Variants in CATSPERT observed in about 807,000 individuals in gnomAD.
The protein encoded by CATSPERT is catsper channel auxiliary subunit tau, also known as cation channel sperm-associated targeting subunit tau.
chr2:201,517,326 A>G, the CATSPERT span, among the ~76,000 whole-genome samples: 1 of 152,134 alleles, frequency 6.6e-6, no homozygotes, highest in East Asian at 1.9e-4. Flanking sequence ...TCCCCTCCCC[A>G]ACCCCTGCCT....
chr2:201,591,354 T>TGGTACC, the CATSPERT span, among the ~76,000 whole-genome samples: 4 of 152,254 alleles, frequency 2.6e-5, no homozygotes, highest in Non-Finnish European at 5.9e-5. Context: ...ATCTCTCTTT[T>TGGTACC]GGTACCAGTA....
At chr2:201,598,378 T>C in the CATSPERT span, among the ~76,000 whole-genome samples, 1 of 152,122 alleles carries the variant, frequency 6.6e-6, no homozygotes, top group African/African-American at 2.4e-5. Context: ...ATCCTGGGAT[T>C]ATAGGCGTGA....
the CATSPERT span, among the ~76,000 whole-genome samples, chr2:201,520,470 T>A: frequency 0.025 from 3,857 of 152,308 alleles, 80 homozygotes; most frequent in African/African-American, 0.059. Flanking sequence ...TCTAGTCTCT[T>A]ATCTGACCAC....
At chr2:201,590,524 T>C in the CATSPERT span, among the ~76,000 whole-genome samples, 1 of 151,896 alleles carries the variant, frequency 6.6e-6, no homozygotes, top group East Asian at 1.9e-4. Context: ...CTGGGTCAAA[T>C]GGTATTTCTA....
At chr2:201,522,412 A>G in the CATSPERT span, among the ~76,000 whole-genome samples, 6 of 152,088 alleles carry the variant, frequency 3.9e-5, no homozygotes, top group African/African-American at 1.4e-4. Context: ...GATCATCAAG[A>G]AGACCAGCAC....
At chr2:201,565,811 T>C in the CATSPERT span, 2 of 1,612,372 alleles carry the variant, frequency 1.2e-6, no homozygotes, top group Non-Finnish European at 1.7e-6. Flanking sequence ...GTCCCAACAG[T>C]AACATTCAGG....
At chr2:201,534,361 G>A in the CATSPERT span, 2 of 952,278 alleles carry the variant, frequency 2.1e-6, no homozygotes, top group Non-Finnish European at 2.5e-6. Flanking sequence ...ACTAGGTTTT[G>A]GAGTGGTTTG....
chr2:201,601,273 AGTGTGTGTGTGTGTGTGT>A, the CATSPERT span, among the ~76,000 whole-genome samples: 5 of 41,806 alleles, frequency 1.2e-4, no homozygotes, highest in Non-Finnish European at 1.8e-4. Context: ...TAAGGATGAT[AGTGTGTGTGTGTGTGTGT>A]GTGTGTGTGT....
At chr2:201,586,307 C>T in the CATSPERT span, among the ~76,000 whole-genome samples, 2 of 151,656 alleles carry the variant, frequency 1.3e-5, no homozygotes, top group African/African-American at 4.8e-5. Flanking sequence ...CTGTGTTGTC[C>T]AAGCATCAAC....
the CATSPERT span, among the ~76,000 whole-genome samples, chr2:201,533,999 A>T: frequency 3.3e-5 from 5 of 152,134 alleles, no homozygotes; most frequent in Non-Finnish European, 7.4e-5. Context: ...GAGAAGGAGA[A>T]GGATAATTCC....
the CATSPERT span, among the ~76,000 whole-genome samples, chr2:201,495,440 T>TAAAA: frequency 6.6e-6 from 1 of 152,182 alleles, no homozygotes; most frequent in Non-Finnish European, 1.5e-5. Context: ...AGCAGCTTTT[T>TAAAA]AGCTCTGGGA....
the CATSPERT span, among the ~76,000 whole-genome samples, chr2:201,581,546 GTGTA>G: frequency 0.033 from 489 of 14,716 alleles, 56 homozygotes; most frequent in East Asian, 0.23. Context: ...AAAAAAATGT[GTGTA>G]TATATATATA....
the CATSPERT span, among the ~76,000 whole-genome samples, chr2:201,593,736 C>T: frequency 3.4e-5 from 5 of 149,134 alleles, no homozygotes; most frequent in East Asian, 2.0e-4. Context: ...TATGTAATGG[C>T]CTTCTTTGTC....
chr2:201,536,337 T>C, the CATSPERT span: 4 of 1,563,720 alleles, frequency 2.6e-6, no homozygotes, highest in Non-Finnish European at 3.5e-6. Context: ...AATACAGCAA[T>C]AAAACAAACT....
At chr2:201,516,275 A>C in the CATSPERT span, among the ~76,000 whole-genome samples, 1 of 152,336 alleles carries the variant, frequency 6.6e-6, no homozygotes, top group African/African-American at 2.4e-5. Flanking sequence ...ACACTGCTCT[A>C]AAGAACTGAG....
At chr2:201,564,875 A>G in the CATSPERT span, among the ~76,000 whole-genome samples, 1 of 152,242 alleles carries the variant, frequency 6.6e-6, no homozygotes, top group South Asian at 2.1e-4. Flanking sequence ...TGACCGAGAC[A>G]ATAATAAATA....
At chr2:201,535,248 A>G in the CATSPERT span, 1 of 985,172 alleles carries the variant, frequency 1.0e-6, no homozygotes, top group African/African-American at 1.7e-5. Context: ...CTAGAGACTT[A>G]GATGCCCAAG....
At chr2:201,494,767 ATT>A in the CATSPERT span, 3 of 1,487,358 alleles carry the variant, frequency 2.0e-6, no homozygotes, top group Admixed American at 2.5e-5. Flanking sequence ...AAACTGCAAT[ATT>A]AAAAAAAAGG....
the CATSPERT span, among the ~76,000 whole-genome samples, chr2:201,607,449 C>T: frequency 3.3e-5 from 5 of 152,106 alleles, no homozygotes; most frequent in African/African-American, 4.8e-5. Context: ...CCTAGGAGTT[C>T]GAGACCAGCC....
Sources: allele counts gnomAD v4.1 joint callset (sites outside exome capture counted in the v4.1 genomes callset), GRCh38; gene constraint gnomAD v4.1.1; transcripts MANE v1.5; gene names NCBI Gene and HGNC (gene_info 2026-07-23, HGNC 2026-07-21).